The following DLGAP1 variants were observed in gnomAD, a reference collection of about 807,000 sequenced individuals.
DLGAP1 encodes disks large-associated protein 1.
Under a neutral mutation model 90.8 loss-of-function variants are expected in DLGAP1, and 11 were observed. The ratio of observed to expected loss-of-function variants is 0.12; its 90% CI spans 0.08 to 0.20. The LOEUF is 0.20. Among genes scored for constraint, DLGAP1 ranks in the 10% least tolerant of loss-of-function variants. The pLI is 1.00. For missense variants in DLGAP1, 1,050 were observed against 1,333.8 expected (o/e 0.79, Z 3.31); for synonymous variants, 558 against 540.7 (o/e 1.03, Z -0.44).
At chr18:4,268,795 A>G (rs2079189045) in intron 1 of DLGAP1, among the ~76,000 whole-genome samples, 1 of 152,140 alleles carries the variant, frequency 6.6e-6, no homozygotes, top group Non-Finnish European at 1.5e-5. Context: ...TTGCTTGAAA[A>G]CATATAAAAA....
At chr18:4,319,750 T>C (rs199779336) in intron 1 of DLGAP1, among the ~76,000 whole-genome samples, 190 of 152,304 alleles carry the variant, frequency 1.2e-3, no homozygotes, top group African/African-American at 4.4e-3. Context: ...TTTTGTGTCA[T>C]TAAATCCCCA....
At chr18:4,418,263 G>A (rs981038980) in intron 1 of DLGAP1, among the ~76,000 whole-genome samples, 5 of 152,140 alleles carry the variant, frequency 3.3e-5, no homozygotes, top group African/African-American at 1.2e-4. Flanking sequence ...TTGAACTACA[G>A]AAGGTGTCCA....
At position 3,788,433 on chromosome 18, in the gene DLGAP1, C is replaced by T. The variant is rs200478348; in HGVS notation, c.1172+25626G>A. 1.1e-4 allele frequency among the ~76,000 whole-genome samples: 16 copies of T among 152,288 alleles called. No individual in the cohort carries two copies. The East Asian group carries it at 3.1e-3, about 29-fold the overall frequency. On this transcript the variant is annotated intron_variant, in intron 5 of 12. Transcript: ENST00000315677. The stretch of plus-strand genomic sequence containing the variant: ...GTCAATTTTCACTAACCTGCCCTGC[C>T]TTCAAAGGAAGAGACCATGGAGAGT...
At position 3,851,727 on chromosome 18, in the gene DLGAP1, T is replaced by C. The variant is rs186915743; in HGVS notation, c.957+27385A>G. Among the ~76,000 whole-genome samples the C allele has an allele frequency of 2.2e-4, 34 of 152,230 alleles. No individual in the cohort carries two copies. The South Asian group carries it at 4.6e-3, about 20-fold the overall frequency. The stretch of plus-strand genomic sequence containing the variant: ...CCAGTCAGGAATTTCTTGTAAATAA[T>C]GAAAACTCAACTGAAATATATGTTG... On this transcript the variant is annotated intron_variant, in intron 4 of 12. Coordinates refer to ENST00000315677, the MANE Select transcript of DLGAP1 (RefSeq NM_004746.4).
Position 4,018,290 on chromosome 18 carries a change from G to A in DLGAP1, c.-158-13089C>T, listed in dbSNP as rs985582127. On this transcript the variant is annotated intron_variant, in intron 2 of 12. Transcript: ENST00000315677. ...GCACGCTGGAGTCCCGAGCTGGGAT[G>A]CCCTTCAGAACTGGCCCAAACTGAA... is the stretch of plus-strand genomic sequence containing the variant. Among the ~76,000 whole-genome samples the A allele has an allele frequency of 6.6e-5, 10 of 152,330 alleles. No individual in the cohort carries two copies. In the South Asian group the frequency reaches 1.4e-3, roughly 22 times the overall value.
In DLGAP1 at chr18:3,655,925, A is replaced by G. The variant is rs185010867; in HGVS notation, c.1591+73210T>C. On this transcript the variant is annotated intron_variant, in intron 7 of 12. Coordinates refer to ENST00000315677, the MANE Select transcript of DLGAP1 (RefSeq NM_004746.4). ...TGAGGAGGGCTGAGAGCTTTGCAGC[A>G]TAAAATGACCAGAACAAGGAGAAAC... is the stretch of plus-strand genomic sequence containing the variant. The G allele has an allele frequency of 1.2e-3, 826 of 687,372 alleles. 1 individual carries two copies. The highest frequency in any genetic ancestry group is 2.2e-3 in the South Asian group (104 of 47,160). 42.6% of individuals were successfully genotyped at this position (687,372 alleles called of 1,614,324 possible).
chr18:3,744,699 C>A (rs544844774), intron 5 of DLGAP1, among the ~76,000 whole-genome samples: 3 of 152,222 alleles, frequency 2.0e-5, no homozygotes, highest in Admixed American at 1.3e-4. Context: ...ACGCACGCCA[C>A]CGCGGCCGGC....
chr18:3,608,125 C>T (rs1027772121), intron 7 of DLGAP1: 1 of 152,148 alleles, frequency 6.6e-6, no homozygotes, highest in Non-Finnish European at 1.5e-5. Context: ...GAGTTCAAGA[C>T]CAGCCTGACC....
intron 2 of DLGAP1, among the ~76,000 whole-genome samples, chr18:4,083,742 G>A (rs925914892): frequency 3.3e-5 from 5 of 152,154 alleles, no homozygotes; most frequent in Admixed American, 3.3e-4. Flanking sequence ...CCTAGGGGGA[G>A]CATGCAGATG....
At chr18:3,546,588 T>C (rs79634101) in intron 9 of DLGAP1, among the ~76,000 whole-genome samples, 12,400 of 151,922 alleles carry the variant, frequency 0.082, 576 homozygotes, top group Admixed American at 0.11. Flanking sequence ...CTAAAAAATA[T>C]TTGGAAAATC....
At chr18:3,916,152 A>G (rs1157804065) in intron 3 of DLGAP1, among the ~76,000 whole-genome samples, 1 of 152,146 alleles carries the variant, frequency 6.6e-6, no homozygotes, top group Admixed American at 6.5e-5. Flanking sequence ...ACTATATTCA[A>G]CTGCTGGAAC....
chr18:3,618,164 G>A (rs2057948815), intron 7 of DLGAP1, among the ~76,000 whole-genome samples: 1 of 152,202 alleles, frequency 6.6e-6, no homozygotes, highest in South Asian at 2.1e-4. Context: ...AGAGAATTCA[G>A]ATCCTGTAAG....
intron 1 of DLGAP1, among the ~76,000 whole-genome samples, chr18:4,409,543 G>A (rs1033267736): frequency 7.2e-5 from 11 of 152,208 alleles, no homozygotes; most frequent in East Asian, 1.9e-4. Flanking sequence ...GAGAGACAAC[G>A]ACTTTAGTTA....
chr18:4,066,528 C>T (rs1281086724), intron 2 of DLGAP1, among the ~76,000 whole-genome samples: 1 of 152,054 alleles, frequency 6.6e-6, no homozygotes, highest in Admixed American at 6.6e-5. Flanking sequence ...TGATTAGACA[C>T]TTTTCAAAAG....
chr18:3,641,586 TACACAC>T (rs61136246), intron 7 of DLGAP1, among the ~76,000 whole-genome samples: 11 of 135,462 alleles, frequency 8.1e-5, no homozygotes, highest in South Asian at 2.3e-4. Flanking sequence ...CATATATATA[TACACAC>T]ACACACACAC....
At chr18:4,303,322 A>G (rs1013851676) in intron 1 of DLGAP1, among the ~76,000 whole-genome samples, 9 of 151,956 alleles carry the variant, frequency 5.9e-5, no homozygotes, top group Admixed American at 4.6e-4. Flanking sequence ...GTGGAGAAAG[A>G]AAAAAAATGT....
At chr18:3,703,238 C>T (rs759463598) in intron 7 of DLGAP1, among the ~76,000 whole-genome samples, 1 of 152,176 alleles carries the variant, frequency 6.6e-6, no homozygotes, top group African/African-American at 2.4e-5. Context: ...TGGAATGTGG[C>T]GCTGTCCTGA....
At chr18:3,515,339 C>T (rs796211211) in intron 10 of DLGAP1, among the ~76,000 whole-genome samples, 12 of 151,822 alleles carry the variant, frequency 7.9e-5, no homozygotes, top group African/African-American at 1.7e-4. Context: ...GGCGTGGTGG[C>T]GGGCACTGTA....
At chr18:4,046,703 ACTAGTAAT>A (rs1432278649) in intron 2 of DLGAP1, among the ~76,000 whole-genome samples, 1 of 152,286 alleles carries the variant, frequency 6.6e-6, no homozygotes, top group African/African-American at 2.4e-5. Context: ...AACTTACATC[ACTAGTAAT>A]CAAAGGAGTG....
Sources: allele counts gnomAD v4.1 joint callset (sites outside exome capture counted in the v4.1 genomes callset), GRCh38; gene constraint gnomAD v4.1.1; transcripts MANE v1.5; gene names NCBI Gene and HGNC (gene_info 2026-07-23, HGNC 2026-07-21).